FAM184A: variants seen among roughly 807,000 people sequenced by gnomAD.
FAM184A encodes family with sequence similarity 184 member A.
FAM184A carries 99 observed loss-of-function variants against 143.8 expected under a neutral mutation model. That is an observed-to-expected ratio of 0.69 (90% CI 0.58 to 0.81). The LOEUF (loss-of-function observed/expected upper bound fraction) is 0.81. Among genes scored for constraint, FAM184A ranks in the 40% least tolerant of loss-of-function variants. The probability of loss-of-function intolerance (pLI) is 0.00; values close to 1 mark genes in which losing one functional copy is unlikely to be tolerated. For missense variants in FAM184A, 1,217 were observed against 1,310.5 expected (o/e 0.93, Z 1.10); for synonymous variants, 427 against 446.4 (o/e 0.96, Z 0.55).
intron 14 of FAM184A, among the ~76,000 whole-genome samples, chr6:118,970,021 T>TTTTTTTTTTTA (rs1783646150): frequency 1.1e-5 from 1 of 93,868 alleles, no homozygotes; most frequent in Non-Finnish European, 2.1e-5. Context: ...TTTTTTTTTT[T>TTTTTTTTTTTA]GAGATGGAGT....
At chr6:118,978,181 T>C (rs1377154931) in intron 11 of FAM184A, among the ~76,000 whole-genome samples, 1 of 152,206 alleles carries the variant, frequency 6.6e-6, no homozygotes, top group East Asian at 1.9e-4. Flanking sequence ...CAGGCTGATC[T>C]CAAAATCCCG....
At chr6:118,970,905 T>C (rs1157366217) in intron 14 of FAM184A, among the ~76,000 whole-genome samples, 1 of 152,182 alleles carries the variant, frequency 6.6e-6, no homozygotes, top group African/African-American at 2.4e-5. Context: ...AAAAGCTGTA[T>C]ACAAAGTTTC....
rs541282483 is a variant in FAM184A at position 119,004,242 on chromosome 6, G to A, written c.1816-620C>T. Among the ~76,000 whole-genome samples the A allele has an allele frequency of 7.4e-4, 112 of 152,302 alleles. 1 individual carries two copies. The highest frequency in any genetic ancestry group is 2.6e-3 in the African/African-American group (110 of 41,562). On this transcript the variant is annotated intron_variant, in intron 7 of 17. Coordinates refer to ENST00000338891, the MANE Select transcript of FAM184A (RefSeq NM_024581.6). ...TGTTTGGACAACAGTGGCAACCATC[G>A]GCCCCTGCCAGCAGAGCAGCTGCTC...
intron 7 of FAM184A, chr6:119,005,965 A>G (rs987424332): frequency 2.5e-5 from 15 of 600,020 alleles, no homozygotes; most frequent in Non-Finnish European, 4.3e-5. Flanking sequence ...TGGGTCCCCA[A>G]AAAGATATAC....
chr6:119,027,321 G>A (rs983198020), intron 1 of FAM184A, among the ~76,000 whole-genome samples: 2 of 152,166 alleles, frequency 1.3e-5, no homozygotes, highest in African/African-American at 4.8e-5. Flanking sequence ...CTGTGTCACA[G>A]ACCATGGTCT....
rs75175725 is a variant in FAM184A at position 118,992,496 on chromosome 6, A to G, written c.2088+10403T>C. ...TAATGTCCTTATAAAGAAATCCCAG[A>G]GAGCTCCCTTGGTGCTTTTACCACG... On this transcript the variant is annotated intron_variant, in intron 9 of 17. Transcript: ENST00000338891. 7.5e-3 allele frequency among the ~76,000 whole-genome samples: 1,139 copies of G among 152,234 alleles called. 6 individuals carry two copies. The highest frequency in any genetic ancestry group is 0.024 in the South Asian group (116 of 4,828).
At chr6:119,071,051 C>T (rs905986494) in intron 1 of FAM184A, among the ~76,000 whole-genome samples, 7 of 152,222 alleles carry the variant, frequency 4.6e-5, no homozygotes, top group South Asian at 2.1e-4. Context: ...TCCCATCTCA[C>T]ATTTAAGAGA....
chr6:119,129,769 G>A (rs1471801040), intron 1 of FAM184A, among the ~76,000 whole-genome samples: 1 of 151,944 alleles, frequency 6.6e-6, no homozygotes, highest in Non-Finnish European at 1.5e-5. Flanking sequence ...TTGCATAAAA[G>A]ACTATTTTTT....
chr6:119,070,807 G>C (rs1266838762), intron 1 of FAM184A, among the ~76,000 whole-genome samples: 1 of 151,986 alleles, frequency 6.6e-6, no homozygotes, highest in Non-Finnish European at 1.5e-5. Context: ...GAAACTTCCT[G>C]TGGTGAATAA....
chr6:119,097,673 T>C (rs1237864524), intron 1 of FAM184A, among the ~76,000 whole-genome samples: 1 of 152,166 alleles, frequency 6.6e-6, no homozygotes, highest in Non-Finnish European at 1.5e-5. Context: ...CTGAAGCAGC[T>C]TCAGGGTGAA....
intron 1 of FAM184A, among the ~76,000 whole-genome samples, chr6:119,083,789 C>A (rs2209039): frequency 0.21 from 32,295 of 152,066 alleles, 3,751 homozygotes; most frequent in Non-Finnish European, 0.26. Context: ...TTTCCCACAT[C>A]TTCTTATCTT....
At chr6:119,077,983 A>C (rs1176319829) in intron 1 of FAM184A, among the ~76,000 whole-genome samples, 158 bp downstream of exon 1, 1 of 152,192 alleles carries the variant, frequency 6.6e-6, no homozygotes, top group Non-Finnish European at 1.5e-5. Flanking sequence ...CGTTCCACCA[A>C]AGTTTGCAGG....
intron 9 of FAM184A, among the ~76,000 whole-genome samples, chr6:118,981,396 C>T (rs576414432): frequency 2.7e-4 from 41 of 152,256 alleles, no homozygotes; most frequent in Admixed American, 1.2e-3. Context: ...ACTTAAAACA[C>T]TCTATGCTTT....
At chr6:119,023,157 C>A in intron 2 of FAM184A, 77 bp from the exon 3 acceptor site, 1 of 1,495,574 alleles carries the variant, frequency 6.7e-7, no homozygotes, top group Non-Finnish European at 9.2e-7. Flanking sequence ...TTATAAGGGT[C>A]AGCTTTCTCT....
At chr6:119,053,062 G>A (rs555600064) in intron 1 of FAM184A, among the ~76,000 whole-genome samples, 2 of 152,158 alleles carry the variant, frequency 1.3e-5, no homozygotes, top group East Asian at 1.9e-4. Context: ...CAAAGGCATC[G>A]AAATACCTCA....
chr6:119,030,246 T>C (rs909193834), intron 1 of FAM184A, among the ~76,000 whole-genome samples: 2 of 152,144 alleles, frequency 1.3e-5, no homozygotes, highest in South Asian at 2.1e-4. Flanking sequence ...TTAATACTGC[T>C]TTCATTAGTG....
At chr6:119,013,302 G>A (rs1250385846) in intron 5 of FAM184A, among the ~76,000 whole-genome samples, 2 of 152,086 alleles carry the variant, frequency 1.3e-5, no homozygotes, top group African/African-American at 2.4e-5. Flanking sequence ...AAGTAATGAG[G>A]TAAAAATGAC....
At chr6:119,082,069 G>A (rs1788086202), upstream of FAM184A, among the ~76,000 whole-genome samples, 1 of 152,184 alleles carries the variant, frequency 6.6e-6, no homozygotes, top group African/African-American at 2.4e-5. Flanking sequence ...ATTTGGGCAG[G>A]AAAACAAAAA....
At chr6:119,065,775 C>T (rs751548468) in intron 1 of FAM184A, among the ~76,000 whole-genome samples, 78 of 152,220 alleles carry the variant, frequency 5.1e-4, no homozygotes, top group Non-Finnish European at 8.5e-4. Flanking sequence ...CTCAAATCTC[C>T]TATCTCTCTA....
Sources: gnomAD v4.1 joint callset for allele counts (sites outside exome capture counted in the v4.1 genomes callset) on GRCh38, gnomAD v4.1.1 for gene constraint, MANE v1.5 for transcripts, NCBI Gene and HGNC (gene_info 2026-07-23, HGNC 2026-07-21) for gene names.